MTHFD2L: variants seen among roughly 807,000 people sequenced by gnomAD.
MTHFD2L encodes bifunctional methylenetetrahydrofolate dehydrogenase/cyclohydrolase 2, mitochondrial.
Under a neutral mutation model 34.9 loss-of-function variants are expected in MTHFD2L, and 29 were observed. The observed-to-expected ratio is 0.83, with a 90% confidence interval of 0.62 to 1.13. MTHFD2L has a LOEUF of 1.13. Among genes scored for constraint, MTHFD2L ranks in the 50% most tolerant of loss-of-function variants. The pLI, the probability that MTHFD2L is intolerant of heterozygous loss-of-function variation, is 0.00. For synonymous variants in MTHFD2L, 167 were observed against 155.7 expected (o/e 1.07, Z -0.54); for missense variants, 481 against 446.5 (o/e 1.08, Z -0.70).
chr4:74,204,095 A>G (rs1183878682), intron 5 of MTHFD2L, among the ~76,000 whole-genome samples: 1 of 152,156 alleles, frequency 6.6e-6, no homozygotes, highest in East Asian at 1.9e-4. Flanking sequence ...ATCTAAGGCC[A>G]TGCAAGGAAA....
chr4:74,137,827 C>A (rs1164913386), intron 1 of MTHFD2L, among the ~76,000 whole-genome samples: 4 of 151,928 alleles, frequency 2.6e-5, no homozygotes, highest in African/African-American at 9.7e-5. Flanking sequence ...AACTTGAGAT[C>A]ACTATGTTAA....
rs758506512 is a variant in MTHFD2L at position 74,175,410 on chromosome 4, A to C, written c.451+7A>C. On this transcript the variant is annotated splice_region_variant and intron_variant, in intron 3 of 7. Coordinates refer to ENST00000325278, the MANE Select transcript of MTHFD2L (RefSeq NM_001144978.3). Reference sequence around the variant, plus strand: ...GTTCAGTTACCACTACCAGGTACATAATGCTCCTCTTATTTATCTGATTTT... The same window carrying C: ...GTTCAGTTACCACTACCAGGTACATCATGCTCCTCTTATTTATCTGATTTT... 1 of 1,602,202 alleles carries C rather than the reference A, an allele frequency of 6.2e-7. No homozygotes were observed.
At chr4:74,192,749 GTTTAAAATGTTAT>G (rs1259116434) in intron 3 of MTHFD2L, among the ~76,000 whole-genome samples, 1 of 151,628 alleles carries the variant, frequency 6.6e-6, no homozygotes, top group Non-Finnish European at 1.5e-5. Context: ...TGTTTAAAAT[GTTTAAAATGTTAT>G]TTTAAAATGT....
At chr4:74,147,074 C>T (rs1043300632) in intron 1 of MTHFD2L, among the ~76,000 whole-genome samples, 13 of 152,082 alleles carry the variant, frequency 8.5e-5, no homozygotes, top group Admixed American at 3.3e-4. Context: ...TCCTTAAAAA[C>T]GGTTCCCTGT....
chr4:74,272,599 G>A (rs1746136264), intron 6 of MTHFD2L, among the ~76,000 whole-genome samples: 1 of 151,990 alleles, frequency 6.6e-6, no homozygotes, highest in East Asian at 1.9e-4. Context: ...CCCTGTTCAG[G>A]GAGTGTTTAA....
At chr4:74,178,995 G>GC (rs1729589666) in intron 3 of MTHFD2L, among the ~76,000 whole-genome samples, 1 of 151,980 alleles carries the variant, frequency 6.6e-6, no homozygotes, top group Non-Finnish European at 1.5e-5. Flanking sequence ...AGTCATGTGT[G>GC]CTTACTATGT....
At chr4:74,203,643 T>C (rs1366440237) in intron 5 of MTHFD2L, among the ~76,000 whole-genome samples, 2 of 152,054 alleles carry the variant, frequency 1.3e-5, no homozygotes, top group African/African-American at 2.4e-5. Context: ...CCATACACTT[T>C]TAAACAACCA....
At chr4:74,208,531 T>C (rs1172176380) in intron 5 of MTHFD2L, among the ~76,000 whole-genome samples, 4 of 152,216 alleles carry the variant, frequency 2.6e-5, no homozygotes, top group African/African-American at 9.6e-5. Flanking sequence ...AGGACATTTT[T>C]CTAAGTTCAG....
intron 6 of MTHFD2L, chr4:74,266,917 C>A: frequency 1.0e-6 from 1 of 985,194 alleles, no homozygotes; most frequent in Non-Finnish European, 1.2e-6. Flanking sequence ...TTTGTATTAT[C>A]TAGACTATCT....
chr4:74,156,345 T>C (rs757393592), upstream of MTHFD2L, among the ~76,000 whole-genome samples: 1 of 152,218 alleles, frequency 6.6e-6, no homozygotes, highest in African/African-American at 2.4e-5. Context: ...ATGTAGCCTT[T>C]TCAGACTACC....
rs575932490 is a variant in MTHFD2L, at chr4:74,174,534, G to A, written c.172G>A (p.Glu58Lys). ...RHEAIIISGTEMAKHIQKEIQ... is the reference protein window; with the variant it reads ...RHEAIIISGTKMAKHIQKEIQ... The stretch of plus-strand genomic sequence containing the variant: ...TGAAGCCATTATTATATCAGGAACC[G>A]AAATGGCCAAGCATATCCAGAAAGA... Residue 58 changes from glutamate to lysine, a missense_variant, in exon 2 of 8, where the codon GAA becomes AAA. Physicochemically the swap from Glu to Lys is moderately conservative, Grantham distance 56. Transcript: ENST00000325278. 7.9e-5 allele frequency: 124 copies of A among 1,568,434 alleles called. 1 individual carries two copies. The highest frequency in any genetic ancestry group is 2.7e-4 in the South Asian group (22 of 83,006).
At chr4:74,240,453 A>T (rs1300899559) in intron 6 of MTHFD2L, among the ~76,000 whole-genome samples, 1 of 152,150 alleles carries the variant, frequency 6.6e-6, no homozygotes, top group Non-Finnish European at 1.5e-5. Context: ...TAAACATTCA[A>T]CAGTGTTGGA....
intron 6 of MTHFD2L, among the ~76,000 whole-genome samples, chr4:74,226,428 C>T (rs1367401739): frequency 6.6e-6 from 1 of 151,990 alleles, no homozygotes; most frequent in Middle Eastern, 3.2e-3. Context: ...CTTTAATTCT[C>T]TATTTTAATA....
intron 6 of MTHFD2L, among the ~76,000 whole-genome samples, chr4:74,280,630 GT>G (rs11299871): frequency 0.33 from 48,570 of 147,918 alleles, 8,791 homozygotes; most frequent in African/African-American, 0.5. Context: ...ATTGTTCAAT[GT>G]TTTTTTTTTT....
At chr4:74,301,543 G>C (rs1578771922) in intron 7 of MTHFD2L, among the ~76,000 whole-genome samples, 154 bp from the exon 8 acceptor site, 1 of 151,908 alleles carries the variant, frequency 6.6e-6, no homozygotes, top group South Asian at 2.1e-4. Flanking sequence ...GTGTGTGTGT[G>C]TGTGTGTGTG....
intron 6 of MTHFD2L, among the ~76,000 whole-genome samples, chr4:74,251,044 A>C (rs1743238815): frequency 1.3e-5 from 2 of 152,106 alleles, no homozygotes; most frequent in Non-Finnish European, 2.9e-5. Flanking sequence ...CTTCTCCACG[A>C]CTTCAGATTG....
At chr4:74,199,279 G>A (rs989686268) in intron 3 of MTHFD2L, among the ~76,000 whole-genome samples, 5 of 152,064 alleles carry the variant, frequency 3.3e-5, no homozygotes, top group African/African-American at 9.7e-5. Flanking sequence ...ATGTGTGTGT[G>A]TGCGTGTGTG....
At chr4:74,213,747 T>C (rs1247466945) in intron 5 of MTHFD2L, among the ~76,000 whole-genome samples, 1 of 152,232 alleles carries the variant, frequency 6.6e-6, no homozygotes, top group Non-Finnish European at 1.5e-5. Flanking sequence ...ATTTGAATGT[T>C]GGCCTGTCTT....
At chr4:74,279,572 A>G (rs1377990686) in intron 6 of MTHFD2L, among the ~76,000 whole-genome samples, 2 of 152,116 alleles carry the variant, frequency 1.3e-5, no homozygotes, top group Non-Finnish European at 2.9e-5. Flanking sequence ...GTTCATTGCC[A>G]TTTAATATTC....
Sources: gnomAD v4.1 joint callset for allele counts (sites outside exome capture counted in the v4.1 genomes callset) on GRCh38, gnomAD v4.1.1 for gene constraint, MANE v1.5 for transcripts, NCBI Gene and HGNC (gene_info 2026-07-23, HGNC 2026-07-21) for gene names.